Variants in BLTP2 observed in about 807,000 individuals in gnomAD.
BLTP2 encodes bridge-like lipid transfer protein family member 2.
chr17:28,643,089 CA>C, the BLTP2 span: 1 of 1,595,888 alleles, frequency 6.3e-7, no homozygotes, highest in Non-Finnish European at 8.6e-7. Context: ...GCCCTAAAAA[CA>C]GAAAAATCTA....
the BLTP2 span, chr17:28,635,417 G>T: frequency 6.2e-7 from 1 of 1,614,176 alleles, no homozygotes; most frequent in Non-Finnish European, 8.5e-7. Flanking sequence ...CGCTTTGGGG[G>T]TAATGGCTCA....
the BLTP2 span, among the ~76,000 whole-genome samples, chr17:28,625,359 GAAAAAGAAAAAGAAAAAGA>G: frequency 7.0e-5 from 7 of 99,872 alleles, no homozygotes; most frequent in Non-Finnish European, 1.4e-4. Flanking sequence ...AAAAAAAAAA[GAAAAAGAAAAAGAAAAAGA>G]AAAAAGAAAA....
the BLTP2 span, chr17:28,640,741 C>T: frequency 6.4e-6 from 10 of 1,560,764 alleles, no homozygotes; most frequent in Non-Finnish European, 7.9e-6. Flanking sequence ...CCAGTTCTCC[C>T]GAAATGCCCT....
At chr17:28,624,441 C>G in the BLTP2 span, 1 of 1,537,416 alleles carries the variant, frequency 6.5e-7, no homozygotes, top group Non-Finnish European at 8.9e-7. Flanking sequence ...AAGGGAAAGA[C>G]TTTTCCCTTT....
chr17:28,641,568 A>T, the BLTP2 span, among the ~76,000 whole-genome samples: 1 of 151,932 alleles, frequency 6.6e-6, no homozygotes, highest in African/African-American at 2.4e-5. Flanking sequence ...TGAACCCAGA[A>T]GGTTAAAGGT....
the BLTP2 span, chr17:28,637,161 T>C: frequency 1.2e-6 from 2 of 1,613,982 alleles, no homozygotes; most frequent in Non-Finnish European, 1.7e-6. Context: ...CAGTCGTACC[T>C]CTGAAGCACC....
chr17:28,636,864 T>A, the BLTP2 span: 48 of 966,270 alleles, frequency 5.0e-5, no homozygotes, highest in East Asian at 9.3e-4. Context: ...CATGTGACAC[T>A]CTGTTTTGGG....
the BLTP2 span, chr17:28,619,791 AG>A: frequency 6.2e-7 from 1 of 1,614,090 alleles, no homozygotes; most frequent in Non-Finnish European, 8.5e-7. Context: ...GAACCAGGAT[AG>A]AAACTGAGAG....
the BLTP2 span, chr17:28,633,069 A>C: frequency 6.3e-7 from 1 of 1,593,996 alleles, no homozygotes; most frequent in Non-Finnish European, 8.5e-7. Context: ...GCAGAGTGAC[A>C]CTATGGTGAT....
chr17:28,642,887 A>G, the BLTP2 span: 1 of 1,600,286 alleles, frequency 6.2e-7, no homozygotes, highest in Non-Finnish European at 8.6e-7. Context: ...ATCACTATCC[A>G]AAAGAAATCT....
chr17:28,621,394 C>CT, the BLTP2 span: 1 of 1,612,270 alleles, frequency 6.2e-7, no homozygotes, highest in Non-Finnish European at 8.5e-7. Flanking sequence ...AGGGGGAGGG[C>CT]TGACCTGTGG....
At chr17:28,632,242 G>C in the BLTP2 span, 1 of 1,590,336 alleles carries the variant, frequency 6.3e-7, no homozygotes, top group Non-Finnish European at 8.6e-7. Context: ...GGATATTGCT[G>C]CAAAGAGAAA....
At chr17:28,623,665 T>C in the BLTP2 span, 1 of 996,946 alleles carries the variant, frequency 1.0e-6, no homozygotes, top group Non-Finnish European at 1.6e-6. Context: ...TCTGCTAAGC[T>C]AGTAACAGCA....
At chr17:28,644,081 A>ACAGAC in the BLTP2 span, 1 of 1,614,246 alleles carries the variant, frequency 6.2e-7, no homozygotes, top group Non-Finnish European at 8.5e-7. Flanking sequence ...TGTTGCTGAA[A>ACAGAC]CTTAAGACTG....
the BLTP2 span, chr17:28,635,575 C>G: frequency 6.2e-7 from 1 of 1,613,830 alleles, no homozygotes; most frequent in Non-Finnish European, 8.5e-7. Flanking sequence ...ATCTGGGGGG[C>G]TCCAAAGTAA....
chr17:28,634,309 G>A, the BLTP2 span, among the ~76,000 whole-genome samples: 1 of 152,260 alleles, frequency 6.6e-6, no homozygotes, highest in Middle Eastern at 3.4e-3. Flanking sequence ...CCTTAAAGAT[G>A]ACTGTGTTAG....
chr17:28,631,603 T>G, the BLTP2 span: 1 of 1,614,032 alleles, frequency 6.2e-7, no homozygotes, highest in Non-Finnish European at 8.5e-7. Context: ...GGCCATCAGG[T>G]GAACGGTCAC....
the BLTP2 span, chr17:28,633,356 G>C: frequency 3.1e-6 from 5 of 1,613,930 alleles, no homozygotes; most frequent in Non-Finnish European, 4.2e-6. Flanking sequence ...TGAAAAGACA[G>C]GTGGCTCCAC....
the BLTP2 span, among the ~76,000 whole-genome samples, chr17:28,618,042 C>G: frequency 6.6e-6 from 1 of 151,280 alleles, no homozygotes; most frequent in Non-Finnish European, 1.5e-5. Context: ...AAACGATTCT[C>G]CTGCCTCAGC....
Sources: gnomAD v4.1 joint callset for allele counts (sites outside exome capture counted in the v4.1 genomes callset) on GRCh38, gnomAD v4.1.1 for gene constraint, MANE v1.5 for transcripts, NCBI Gene and HGNC (gene_info 2026-07-23, HGNC 2026-07-21) for gene names.